Variants in PI4KB observed in about 807,000 individuals in gnomAD.
The protein encoded by PI4KB is phosphatidylinositol 4-kinase beta.
A neutral mutation model predicts 81.4 loss-of-function variants in PI4KB; 23 were observed. That is an observed-to-expected ratio of 0.28 (90% CI 0.20 to 0.40). The LOEUF (loss-of-function observed/expected upper bound fraction) is 0.40. Ranked by LOEUF, PI4KB falls within the 10% of genes least tolerant of loss-of-function variation. The pLI is 1.00. For missense variants in PI4KB, 651 were observed against 1,036.6 expected, an observed-to-expected ratio of 0.63 and a Z score of 5.11; for synonymous variants, 381 against 406.8, an observed-to-expected ratio of 0.94 and a Z score of 0.76.
intron 9 of PI4KB, among the ~76,000 whole-genome samples, chr1:151,297,232 C>T (rs1694877453): frequency 6.6e-6 from 1 of 152,144 alleles, no homozygotes; most frequent in African/African-American, 2.4e-5. Flanking sequence ...CAGCTGTATA[C>T]CACCATGCTT....
At chr1:151,327,536 T>C (rs1649842435), upstream of PI4KB, 1 of 392,622 alleles carries the variant, frequency 2.5e-6, no homozygotes, top group Admixed American at 4.4e-5. Flanking sequence ...TAAAATAAAA[T>C]AAAATTCCCC....
At chr1:151,301,534 A>G (rs977019350) in intron 8 of PI4KB, among the ~76,000 whole-genome samples, 8 of 152,150 alleles carry the variant, frequency 5.3e-5, no homozygotes, top group African/African-American at 1.9e-4. Flanking sequence ...AGTAGCTGGG[A>G]CTACAGGCGC....
chr1:151,294,977 C>T (rs1223921915), intron 9 of PI4KB, among the ~76,000 whole-genome samples: 1 of 152,168 alleles, frequency 6.6e-6, no homozygotes, highest in Non-Finnish European at 1.5e-5. Context: ...TTTGTAACTC[C>T]TGTCAGCCCA....
At chr1:151,295,406 G>A (rs1267524900) in intron 9 of PI4KB, among the ~76,000 whole-genome samples, 1 of 152,210 alleles carries the variant, frequency 6.6e-6, no homozygotes, top group Non-Finnish European at 1.5e-5. Flanking sequence ...AAACACTAAA[G>A]ATTTAGCAAT....
chr1:151,315,727 C>G lies in PI4KB; in HGVS notation c.755G>C (p.Arg252Thr). 3 of 1,614,112 alleles carry G rather than the reference C, an allele frequency of 1.9e-6. No individual in the cohort carries two copies. The South Asian group carries it at 3.3e-5, about 18-fold the overall frequency. Residue 252 changes from arginine (R) to threonine (T), a missense_variant, in exon 2 of 12, where the codon AGG becomes ACG. Coordinates refer to ENST00000368873, the MANE Select transcript of PI4KB (RefSeq NM_001369623.2). ...GGCCGGGCTCAAGGAGGGCAGCTCC[C>G]TCTTCCTGTGAGCTGGCTTTAGCTC... ...SDELKPAHRK[R>T]ELPSLSPAPD... is the part of the protein sequence containing the mutation.
intron 1 of PI4KB, among the ~76,000 whole-genome samples, chr1:151,319,786 C>G (rs940931667): frequency 2.6e-5 from 4 of 152,180 alleles, no homozygotes; most frequent in Non-Finnish European, 1.5e-5. Flanking sequence ...GAGGCCTCTT[C>G]ACAAAAATGC....
In PI4KB at chr1:151,302,105, G is replaced by T. The variant is rs1461849704; in HGVS notation, c.1625+89C>A. ...CCTGGAAGCCTGACAGATTTTTTTG[G>T]AGGCTGATGGACAATAAAGTTGGTG... is the stretch of plus-strand genomic sequence containing the variant. On this transcript the variant is annotated intron_variant, in intron 7 of 11. Transcript: ENST00000368873. The T allele has an allele frequency of 2.6e-6, 4 of 1,543,310 alleles. No individual in the cohort carries two copies. In the East Asian group the frequency reaches 9.0e-5, roughly 35 times the overall value.
At chr1:151,305,231 G>T (rs587677437) in intron 5 of PI4KB, among the ~76,000 whole-genome samples, 2 of 152,214 alleles carry the variant, frequency 1.3e-5, no homozygotes, top group Non-Finnish European at 2.9e-5. Flanking sequence ...CTCCCAAAGT[G>T]TTGGGATTAC....
rs774274695 is a variant in PI4KB at position 151,303,525 on chromosome 1, T to G, written c.1520+16A>C. The G allele has an allele frequency of 1.2e-5, 18 of 1,486,580 alleles. No individual in the cohort carries two copies. The African/African-American group carries it at 1.9e-4, about 16-fold the overall frequency. The allele number at this position is 1,486,580 out of a possible 1,614,324, so 92.1% of individuals were successfully genotyped here. A position where few individuals can be genotyped will look rare whatever the true frequency, so the allele number is the denominator to read the frequency against. ...AAGAGGGATGAAAAATGAGGGGCAA[T>G]GTGATCTGGCCATACCGGATGTCCC... On this transcript the variant is annotated intron_variant, in intron 6 of 11. Transcript: ENST00000368873.
At chr1:151,312,772 G>C (rs1647302596) in intron 2 of PI4KB, among the ~76,000 whole-genome samples, 1 of 152,246 alleles carries the variant, frequency 6.6e-6, no homozygotes, top group Admixed American at 6.5e-5. Context: ...CCAGTGACTT[G>C]GGAGGCTGAG....
intron 9 of PI4KB, among the ~76,000 whole-genome samples, chr1:151,294,795 T>G (rs1694654034): frequency 6.6e-6 from 1 of 152,162 alleles, no homozygotes. Context: ...AAAAATAGTT[T>G]AAGATTCTCC....
At chr1:151,321,338 T>A (rs1170432967) in intron 1 of PI4KB, among the ~76,000 whole-genome samples, 1 of 152,158 alleles carries the variant, frequency 6.6e-6, no homozygotes. Flanking sequence ...TTGTAGGGAA[T>A]AGGGTTAAAT....
intron 11 of PI4KB, chr1:151,293,318 G>A: frequency 7.3e-7 from 1 of 1,376,174 alleles, no homozygotes. Flanking sequence ...AGGGCAGGCT[G>A]GGAGGAGGCT....
At chr1:151,309,497 C>A (rs1227355613) in intron 3 of PI4KB, among the ~76,000 whole-genome samples, 1 of 152,136 alleles carries the variant, frequency 6.6e-6, no homozygotes. Context: ...AAAAAATCAG[C>A]CAAACTCCCA....
In PI4KB at chr1:151,327,338, A is replaced by G; in HGVS notation, c.-96T>C. 2.5e-6 allele frequency: 1 copy of G among 396,814 alleles called. No individual in the cohort carries two copies. The highest frequency in any genetic ancestry group is 4.4e-6 in the Non-Finnish European group (1 of 225,442). 24.6% of individuals were successfully genotyped at this position (396,814 alleles called of 1,614,324 possible). On this transcript the variant is annotated 5_prime_UTR_variant, in exon 1 of 12. Coordinates refer to ENST00000368873, the MANE Select transcript of PI4KB (RefSeq NM_001369623.2). The stretch of plus-strand genomic sequence containing the variant: ...GGACTGCCGACACTGCCGCCTCAGC[A>G]GCAGCGACCGCTCCCGGGTTCCATT...
chr1:151,305,904 G>A (rs903351188), intron 5 of PI4KB, among the ~76,000 whole-genome samples: 2 of 152,148 alleles, frequency 1.3e-5, no homozygotes, highest in African/African-American at 4.8e-5. Flanking sequence ...TGGCCTAGAA[G>A]CTCCTCTTTA....
intron 2 of PI4KB, 110 bp downstream of exon 2, chr1:151,315,463 G>A (rs1293354184): frequency 1.6e-5 from 12 of 762,734 alleles, no homozygotes; most frequent in South Asian, 1.5e-4. Flanking sequence ...TCAGTGAAAT[G>A]AAACAGGGAG....
intron 7 of PI4KB, 71 bp downstream of exon 7, chr1:151,302,123 A>C: frequency 6.5e-7 from 1 of 1,527,966 alleles, no homozygotes; most frequent in South Asian, 1.1e-5. Flanking sequence ...TGGACAATAA[A>C]GTTGGTGCAG....
intron 1 of PI4KB, chr1:151,324,979 G>C (rs1298226300): frequency 2.7e-6 from 2 of 741,630 alleles, no homozygotes; most frequent in Non-Finnish European, 3.3e-6. Flanking sequence ...CTTCCAAGGA[G>C]GAAAGCTGCT....
Sources: allele counts gnomAD v4.1 joint callset (sites outside exome capture counted in the v4.1 genomes callset), GRCh38; gene constraint gnomAD v4.1.1; transcripts MANE v1.5; gene names NCBI Gene and HGNC (gene_info 2026-07-23, HGNC 2026-07-21).